RNF38: variants seen among roughly 807,000 people sequenced by gnomAD.
RNF38 encodes the protein E3 ubiquitin-protein ligase RNF38.
A neutral mutation model predicts 67.2 loss-of-function variants in RNF38; 15 were observed. The ratio of observed to expected loss-of-function variants is 0.22; its 90% CI spans 0.15 to 0.34. The LOEUF (loss-of-function observed/expected upper bound fraction) is 0.34. Ranked by LOEUF, RNF38 falls within the 10% of genes least tolerant of loss-of-function variation. The pLI, the probability that RNF38 is intolerant of heterozygous loss-of-function variation, is 1.00. For missense variants in RNF38, 524 were observed against 639.9 expected, an observed-to-expected ratio of 0.82 and a Z score of 1.95; for synonymous variants, 220 against 218.8, an observed-to-expected ratio of 1.01 and a Z score of -0.05.
At chr9:36,403,125 T>C (rs558734909), upstream of RNF38, among the ~76,000 whole-genome samples, 3 of 152,226 alleles carry the variant, frequency 2.0e-5, no homozygotes, top group East Asian at 5.8e-4. Flanking sequence ...AACCAGAAAA[T>C]CTTAAGCCAT....
Position 36,447,325 on chromosome 9 carries a change from G to A in RNF38, n.242-22642C>T, listed in dbSNP as rs145691782. The stretch of plus-strand genomic sequence containing the variant: ...TCCTTCTAGACCAAAAGTTGCTTGA[G>A]AGCAGAAGCCATGACTTACATGAAT... On this transcript the variant is annotated intron_variant and non_coding_transcript_variant, in intron 1 of 3. Transcript: ENST00000488058. 8.8e-4 allele frequency among the ~76,000 whole-genome samples: 134 copies of A among 152,182 alleles called. 2 individuals are homozygous for A. The highest frequency in any genetic ancestry group is 6.7e-3 in the Admixed American group (102 of 15,280).
intron 3 of RNF38, among the ~76,000 whole-genome samples, chr9:36,375,551 G>A (rs115794654): frequency 7.1e-4 from 108 of 152,260 alleles, no homozygotes; most frequent in African/African-American, 2.5e-3. Context: ...GGATACAGAA[G>A]GAAAAGGAAT....
chr9:36,479,843 T>C (rs934451098), intron 1 of RNF38, among the ~76,000 whole-genome samples: 3 of 152,320 alleles, frequency 2.0e-5, no homozygotes, highest in East Asian at 1.9e-4. Flanking sequence ...ATTCCTGTAG[T>C]AATCCTAGCA....
intron 2 of RNF38, among the ~76,000 whole-genome samples, chr9:36,408,483 T>C (rs928884060): frequency 7.2e-5 from 11 of 152,114 alleles, no homozygotes; most frequent in Non-Finnish European, 1.3e-4. Flanking sequence ...CTTGGACCAG[T>C]ATACTTTTAG....
At chr9:36,353,703 A>G (rs552682325) in intron 6 of RNF38, among the ~76,000 whole-genome samples, 1 of 152,336 alleles carries the variant, frequency 6.6e-6, no homozygotes, top group African/African-American at 2.4e-5. Context: ...CAGACATTTA[A>G]CCTTTCACAG....
chr9:36,440,004 G>C (rs1057256261), intron 1 of RNF38, among the ~76,000 whole-genome samples: 2 of 152,156 alleles, frequency 1.3e-5, no homozygotes, highest in Non-Finnish European at 2.9e-5. Context: ...CCAGCAGTTT[G>C]GGAAGCTAAG....
chr9:36,360,995 T>G (rs1834485008), intron 4 of RNF38, among the ~76,000 whole-genome samples: 1 of 152,080 alleles, frequency 6.6e-6, no homozygotes, highest in Admixed American at 6.6e-5. Context: ...TATTATTATT[T>G]TTGTAGAGAC....
At chr9:36,416,004 T>G (rs969298332) in intron 2 of RNF38, among the ~76,000 whole-genome samples, 1 of 151,912 alleles carries the variant, frequency 6.6e-6, no homozygotes, top group South Asian at 2.1e-4. Flanking sequence ...GGGATACAAG[T>G]TTGCCCTAAG....
At chr9:36,354,287 G>A (rs930333306) in intron 6 of RNF38, among the ~76,000 whole-genome samples, 2 of 152,156 alleles carry the variant, frequency 1.3e-5, no homozygotes, top group African/African-American at 2.4e-5. Flanking sequence ...CTGCCTCCTG[G>A]GTTCAAGCAA....
At chr9:36,366,612 T>C (rs1005322783) in intron 4 of RNF38, among the ~76,000 whole-genome samples, 1 of 152,360 alleles carries the variant, frequency 6.6e-6, no homozygotes, top group Non-Finnish European at 1.5e-5. Context: ...TGGTGTTACC[T>C]GTTCTTTTCC....
At chr9:36,376,926 C>CA (rs34112141) in intron 2 of RNF38, among the ~76,000 whole-genome samples, 2,884 of 101,978 alleles carry the variant, frequency 0.028, 110 homozygotes, top group African/African-American at 0.088. Flanking sequence ...GACTCTGTCT[C>CA]AAAAAAAAAA....
At chr9:36,467,232 A>T (rs533442821) in intron 1 of RNF38, among the ~76,000 whole-genome samples, 33 of 91,150 alleles carry the variant, frequency 3.6e-4, no homozygotes, top group African/African-American at 1.2e-3. Context: ...ATATATATAT[A>T]ATATATATAT....
intron 2 of RNF38, among the ~76,000 whole-genome samples, chr9:36,413,771 G>A (rs1838390536): frequency 6.6e-6 from 1 of 152,138 alleles, no homozygotes; most frequent in Admixed American, 6.5e-5. Context: ...CACTTTTGTT[G>A]TATAGTTCAA....
intron 2 of RNF38, among the ~76,000 whole-genome samples, chr9:36,416,875 C>T (rs1456469106): frequency 6.7e-6 from 1 of 150,290 alleles, no homozygotes; most frequent in Non-Finnish European, 1.5e-5. Context: ...GCCTCAGCTG[C>T]CTAAGTAGCT....
At chr9:36,438,408 CTTTT>C (rs960334639) in intron 1 of RNF38, among the ~76,000 whole-genome samples, 5 of 151,424 alleles carry the variant, frequency 3.3e-5, no homozygotes, top group Admixed American at 6.6e-5. Flanking sequence ...CATTAAGAGA[CTTTT>C]TTTGTGATTT....
intron 1 of RNF38, among the ~76,000 whole-genome samples, chr9:36,451,797 G>A (rs1463850968): frequency 6.6e-6 from 1 of 151,776 alleles, no homozygotes; most frequent in Non-Finnish European, 1.5e-5. Context: ...ACTGCACCCG[G>A]CTTGCAGTAT....
Position 36,485,624 on chromosome 9 carries a change from T to C in RNF38, n.241+1684A>G, listed in dbSNP as rs185414096. ...TGCCAAATATGTGTGTCTTAGAGTT[T>C]TTTAGGAAAATCTAACCCATCTTGT... On this transcript the variant is annotated intron_variant and non_coding_transcript_variant, in intron 1 of 3. Transcript: ENST00000488058. 2.0e-5 allele frequency among the ~76,000 whole-genome samples: 3 copies of C among 152,308 alleles called. No homozygotes were observed. In the East Asian group the frequency reaches 5.8e-4, roughly 29 times the overall value.
chr9:36,473,321 C>A (rs1321846034), intron 1 of RNF38, among the ~76,000 whole-genome samples: 1 of 152,118 alleles, frequency 6.6e-6, no homozygotes, highest in East Asian at 1.9e-4. Flanking sequence ...GGCGTGGCAG[C>A]TCATGCCTAT....
At position 36,459,406 on chromosome 9, in the gene RNF38, C is replaced by T. The variant is rs187030464; in HGVS notation, n.241+27902G>A. Among the ~76,000 whole-genome samples the T allele has an allele frequency of 2.0e-5, 3 of 152,244 alleles. No homozygotes were observed. In the East Asian group the frequency reaches 5.8e-4, roughly 29 times the overall value. On this transcript the variant is annotated intron_variant and non_coding_transcript_variant, in intron 1 of 3. Coordinates refer to the RNF38 transcript ENST00000488058. ...TCAGTAACCTGTGTTAAGGCATTTACTCCTTTTATTTGTCCAAAACAAAAA... is the reference window on the plus strand; with the variant it reads ...TCAGTAACCTGTGTTAAGGCATTTATTCCTTTTATTTGTCCAAAACAAAAA...
Sources: allele counts gnomAD v4.1 joint callset (sites outside exome capture counted in the v4.1 genomes callset), GRCh38; gene constraint gnomAD v4.1.1; transcripts MANE v1.5; gene names NCBI Gene and HGNC (gene_info 2026-07-23, HGNC 2026-07-21).